TPST1: variants seen among roughly 807,000 people sequenced by gnomAD.
TPST1 encodes tyrosylprotein sulfotransferase 1, also known as protein-tyrosine sulfotransferase 1.
Under a neutral mutation model 34.8 loss-of-function variants are expected in TPST1, and 20 were observed. The ratio of observed to expected loss-of-function variants is 0.57; its 90% CI spans 0.40 to 0.84. The LOEUF (loss-of-function observed/expected upper bound fraction) is 0.84, where lower values mean the gene tolerates loss of function less well. Ranked by LOEUF, TPST1 falls within the 40% of genes least tolerant of loss-of-function variation. The probability of loss-of-function intolerance (pLI) is 0.00; values close to 1 mark genes in which losing one functional copy is unlikely to be tolerated. For missense variants in TPST1, 353 were observed against 455.5 expected (o/e 0.78, Z 2.05); for synonymous variants, 152 against 159.4 (o/e 0.95, Z 0.35).
upstream of TPST1, among the ~76,000 whole-genome samples, chr7:66,200,446 G>GT (rs1409215700): frequency 6.8e-6 from 1 of 147,440 alleles, no homozygotes; most frequent in African/African-American, 2.5e-5. Context: ...TTGAGATGGA[G>GT]TTTCGCTCTG....
chr7:66,298,756 C>T (rs1791252141), intron 3 of TPST1, among the ~76,000 whole-genome samples: 1 of 151,514 alleles, frequency 6.6e-6, no homozygotes, highest in Admixed American at 6.6e-5. Flanking sequence ...TTAGCTATAC[C>T]TCTTCTTTTT....
At chr7:66,306,104 T>C (rs934404450) in intron 3 of TPST1, among the ~76,000 whole-genome samples, 2 of 152,204 alleles carry the variant, frequency 1.3e-5, no homozygotes, top group African/African-American at 2.4e-5. Flanking sequence ...GATTATATTA[T>C]ATAAGATTAC....
intron 1 of TPST1, among the ~76,000 whole-genome samples, chr7:66,206,173 G>A (rs1789126391): frequency 7.0e-6 from 1 of 143,604 alleles, no homozygotes; most frequent in South Asian, 2.1e-4. Flanking sequence ...TGCCCAGGCT[G>A]GCTTCGAACT....
intron 3 of TPST1, among the ~76,000 whole-genome samples, chr7:66,346,836 C>T (rs1792361343): frequency 1.3e-5 from 2 of 152,012 alleles, no homozygotes; most frequent in African/African-American, 4.8e-5. Flanking sequence ...TTGGCATGAT[C>T]CCATTTGTCC....
intron 2 of TPST1, among the ~76,000 whole-genome samples, chr7:66,264,770 A>G (rs1213325673): frequency 1.3e-5 from 2 of 152,252 alleles, no homozygotes; most frequent in Non-Finnish European, 2.9e-5. Flanking sequence ...GATATGAAAC[A>G]CAACAAGAAA....
At chr7:66,271,381 G>T (rs1019785265) in intron 2 of TPST1, among the ~76,000 whole-genome samples, 2 of 152,196 alleles carry the variant, frequency 1.3e-5, no homozygotes, top group Non-Finnish European at 2.9e-5. Context: ...GTTTCACCCT[G>T]TTAGCCAGGA....
At chr7:66,303,315 G>T (rs149918772) in intron 3 of TPST1, among the ~76,000 whole-genome samples, 12 of 151,928 alleles carry the variant, frequency 7.9e-5, no homozygotes, top group African/African-American at 2.9e-4. Context: ...AGTTTTAAAA[G>T]TAATGATATG....
upstream of TPST1, among the ~76,000 whole-genome samples, chr7:66,202,726 T>C (rs1393873793): frequency 1.3e-5 from 2 of 152,162 alleles, no homozygotes; most frequent in Non-Finnish European, 2.9e-5. Context: ...GAGGATCGCT[T>C]GAGGTCAGAA....
intron 2 of TPST1, among the ~76,000 whole-genome samples, chr7:66,252,052 A>T (rs1050471947): frequency 6.6e-6 from 1 of 151,980 alleles, no homozygotes; most frequent in African/African-American, 2.4e-5. Context: ...TGCATATTCC[A>T]CTTGTTTTTC....
chr7:66,224,242 C>T (rs1789603524), intron 1 of TPST1, among the ~76,000 whole-genome samples: 1 of 152,228 alleles, frequency 6.6e-6, no homozygotes, highest in East Asian at 1.9e-4. Flanking sequence ...CATTCAAAAT[C>T]AGTCTCTGTG....
Position 66,328,886 on chromosome 7 carries a change from C to CTCTCTATATA in TPST1, c.1045-23618_1045-23617insCTCTATATAT, listed in dbSNP as rs757168858. The stretch of plus-strand genomic sequence containing the variant: ...TCTCTCTCTCTCTCTCTCTCTCTCT[C>CTCTCTATATA]TATATATATATATATATATATTTTT... On this transcript the variant is annotated intron_variant, in intron 3 of 5. Coordinates refer to ENST00000304842, the MANE Select transcript of TPST1 (RefSeq NM_003596.4). 5.4e-3 allele frequency among the ~76,000 whole-genome samples: 119 copies of CTCTCTATATA among 22,068 alleles called. 6 individuals carry two copies. The highest frequency in any genetic ancestry group is 7.8e-3 in the Admixed American group (9 of 1,154). 14.5% of individuals were successfully genotyped at this position (22,068 alleles called of 152,430 possible).
intron 2 of TPST1, among the ~76,000 whole-genome samples, chr7:66,277,309 G>C (rs535449924): frequency 7.9e-5 from 12 of 152,272 alleles, no homozygotes; most frequent in African/African-American, 2.9e-4. Context: ...TTCTCAAATA[G>C]ATCTGCTCTG....
chr7:66,244,827 AC>A (rs1790114990), intron 2 of TPST1, among the ~76,000 whole-genome samples: 1 of 152,370 alleles, frequency 6.6e-6, no homozygotes, highest in South Asian at 2.1e-4. Context: ...AATCACAACT[AC>A]AATTCAGAGA....
intron 4 of TPST1, among the ~76,000 whole-genome samples, chr7:66,353,798 T>TA (rs1792528600): frequency 6.6e-6 from 1 of 152,192 alleles, no homozygotes; most frequent in African/African-American, 2.4e-5. Flanking sequence ...GCGTTCCAGA[T>TA]AGAGGTTGGT....
At chr7:66,345,125 G>C (rs1298656371) in intron 3 of TPST1, among the ~76,000 whole-genome samples, 1 of 152,028 alleles carries the variant, frequency 6.6e-6, no homozygotes, top group Non-Finnish European at 1.5e-5. Flanking sequence ...ACCATTTGAA[G>C]TAATAATGAC....
chr7:66,355,846 A>G (rs1437295045), intron 4 of TPST1, among the ~76,000 whole-genome samples: 5 of 149,554 alleles, frequency 3.3e-5, no homozygotes, highest in Non-Finnish European at 1.5e-5. Context: ...CAGAGGTTGC[A>G]GTGAACCGAG....
upstream of TPST1, among the ~76,000 whole-genome samples, chr7:66,200,789 C>T (rs1789026621): frequency 6.6e-6 from 1 of 151,944 alleles, no homozygotes; most frequent in African/African-American, 2.4e-5. Flanking sequence ...TGCAGTTGCA[C>T]AGTCTCCGCT....
intron 3 of TPST1, among the ~76,000 whole-genome samples, chr7:66,305,683 C>G (rs1791408124): frequency 6.6e-6 from 1 of 152,168 alleles, no homozygotes; most frequent in Non-Finnish European, 1.5e-5. Flanking sequence ...TGTTGTGTCT[C>G]CCCCAAAGAA....
intron 3 of TPST1, among the ~76,000 whole-genome samples, chr7:66,307,856 CCACTTGG>C (rs1791454269): frequency 6.6e-6 from 1 of 152,274 alleles, no homozygotes; most frequent in African/African-American, 2.4e-5. Context: ...GTCATTTTGT[CCACTTGG>C]TTATTGAGAG....
Sources: allele counts gnomAD v4.1 joint callset (sites outside exome capture counted in the v4.1 genomes callset), GRCh38; gene constraint gnomAD v4.1.1; transcripts MANE v1.5; gene names NCBI Gene and HGNC (gene_info 2026-07-23, HGNC 2026-07-21).